Variants in NKAIN2 observed in about 807,000 individuals in gnomAD.
NKAIN2 encodes the protein sodium/potassium-transporting ATPase subunit beta-1-interacting protein 2.
A neutral mutation model predicts 32.6 loss-of-function variants in NKAIN2; 14 were observed. The observed-to-expected ratio is 0.43, with a 90% CI of 0.28 to 0.67. The LOEUF (loss-of-function observed/expected upper bound fraction) is 0.67, where lower values mean the gene tolerates loss of function less well. Ranked by LOEUF, NKAIN2 falls within the 30% of genes least tolerant of loss-of-function variation. The pLI, the probability that NKAIN2 is intolerant of heterozygous loss-of-function variation, is 0.17. For synonymous variants in NKAIN2, 80 were observed against 87.2 expected, an observed-to-expected ratio of 0.92 and a Z score of 0.46; for missense variants, 198 against 258.3, an observed-to-expected ratio of 0.77 and a Z score of 1.60.
At chr6:124,483,599 G>A (rs905537337) in intron 3 of NKAIN2, among the ~76,000 whole-genome samples, 4 of 151,720 alleles carry the variant, frequency 2.6e-5, no homozygotes, top group African/African-American at 9.7e-5. Context: ...AGAAGAATAA[G>A]GAAAACAGGT....
chr6:124,125,575 A>G (rs1394337006), intron 1 of NKAIN2, among the ~76,000 whole-genome samples: 1 of 152,196 alleles, frequency 6.6e-6, no homozygotes, highest in Non-Finnish European at 1.5e-5. Context: ...ATGAATAAAA[A>G]ACAGCATTCT....
At chr6:124,358,882 C>G (rs1799124924) in intron 3 of NKAIN2, among the ~76,000 whole-genome samples, 1 of 151,238 alleles carries the variant, frequency 6.6e-6, no homozygotes, top group Non-Finnish European at 1.5e-5. Context: ...CCTAGGTTTT[C>G]TTCTAGGGTT....
intron 1 of NKAIN2, among the ~76,000 whole-genome samples, chr6:123,967,767 A>G (rs1366750118): frequency 6.6e-6 from 1 of 152,134 alleles, no homozygotes; most frequent in Non-Finnish European, 1.5e-5. Context: ...TGGTTCTTAC[A>G]CTTTCTCCTT....
chr6:124,114,166 T>A (rs1439016969), intron 1 of NKAIN2, among the ~76,000 whole-genome samples: 1 of 152,166 alleles, frequency 6.6e-6, no homozygotes, highest in Admixed American at 6.5e-5. Context: ...GTTGTCAGCC[T>A]TTTTAATGTC....
intron 4 of NKAIN2, among the ~76,000 whole-genome samples, chr6:124,707,016 A>C (rs1283104423): frequency 9.3e-6 from 1 of 107,606 alleles, no homozygotes; most frequent in Non-Finnish European, 1.8e-5. Context: ...ACAGTCCCCA[A>C]AGTGTGATAC....
chr6:124,025,666 G>T (rs549494434), intron 1 of NKAIN2, among the ~76,000 whole-genome samples: 1 of 152,258 alleles, frequency 6.6e-6, no homozygotes, highest in South Asian at 2.1e-4. Context: ...CTTGAAATTT[G>T]CTAAGAGCAG....
rs538712275 is a variant in NKAIN2 at position 124,687,224 on chromosome 6, AATAT to A, written c.474+28844_474+28847del. Among the ~76,000 whole-genome samples, 211 of 146,008 alleles carry A rather than the reference AATAT, an allele frequency of 1.4e-3. 1 individual carries two copies. The highest frequency in any genetic ancestry group is 5.0e-3 in the African/African-American group (200 of 40,210). On this transcript the variant is annotated intron_variant, in intron 4 of 6. Coordinates refer to ENST00000368417, the MANE Select transcript of NKAIN2 (RefSeq NM_001040214.3). The stretch of plus-strand genomic sequence containing the variant: ...AATGTATATATGTGTATATATGTGG[AATAT>A]ATATAGAGAGAATATATATATTACC...
intron 3 of NKAIN2, among the ~76,000 whole-genome samples, chr6:124,476,640 A>G (rs1777228047): frequency 6.6e-6 from 1 of 152,096 alleles, no homozygotes; most frequent in African/African-American, 2.4e-5. Context: ...TGCTAAATGT[A>G]TTGTCATAAC....
At chr6:123,891,586 A>T (rs567005385) in intron 1 of NKAIN2, among the ~76,000 whole-genome samples, 1 of 152,152 alleles carries the variant, frequency 6.6e-6, no homozygotes, top group South Asian at 2.1e-4. Flanking sequence ...CTTATTCCCC[A>T]TAGGAAACAT....
intron 1 of NKAIN2, among the ~76,000 whole-genome samples, chr6:124,176,927 CT>C (rs1253134264): frequency 6.6e-6 from 1 of 151,936 alleles, no homozygotes; most frequent in East Asian, 1.9e-4. Context: ...CATCTTATGT[CT>C]TGCAAAAGTC....
intron 1 of NKAIN2, among the ~76,000 whole-genome samples, chr6:123,974,227 A>G (rs980888524): frequency 6.6e-6 from 1 of 152,178 alleles, no homozygotes; most frequent in Admixed American, 6.6e-5. Flanking sequence ...GTGTGCCATT[A>G]TACTTTCCAA....
chr6:124,595,992 G>A (rs1448375253), intron 3 of NKAIN2, among the ~76,000 whole-genome samples: 4 of 152,228 alleles, frequency 2.6e-5, no homozygotes, highest in East Asian at 3.9e-4. Context: ...CCACATTGCC[G>A]AAGAGCGACT....
intron 3 of NKAIN2, among the ~76,000 whole-genome samples, chr6:124,523,134 C>A (rs1255615397): frequency 5.7e-5 from 1 of 17,536 alleles, no homozygotes; most frequent in Non-Finnish European, 1.6e-3. Context: ...CAGAGCGAGA[C>A]TCCGTCTCAA....
intron 1 of NKAIN2, among the ~76,000 whole-genome samples, chr6:123,870,905 CT>C (rs1372054093): frequency 6.6e-6 from 1 of 151,980 alleles, no homozygotes; most frequent in East Asian, 1.9e-4. Context: ...ATATATATGT[CT>C]TTTTTTAATA....
At chr6:124,414,627 G>T (rs538482787) in intron 3 of NKAIN2, among the ~76,000 whole-genome samples, 5 of 152,154 alleles carry the variant, frequency 3.3e-5, no homozygotes, top group African/African-American at 1.2e-4. Flanking sequence ...AAGCCATTTG[G>T]ACTTGGAGTT....
intron 1 of NKAIN2, among the ~76,000 whole-genome samples, chr6:124,051,010 G>A (rs1481458708): frequency 6.6e-6 from 1 of 152,076 alleles, no homozygotes; most frequent in Non-Finnish European, 1.5e-5. Context: ...CACCTTTGAA[G>A]TAATCTTTTA....
At position 124,535,075 on chromosome 6, in the gene NKAIN2, G is replaced by A. The variant is rs575593937; in HGVS notation, c.274-123111G>A. Among the ~76,000 whole-genome samples the A allele has an allele frequency of 1.5e-3, 235 of 152,142 alleles. 1 individual carries two copies. The highest frequency in any genetic ancestry group is 5.0e-3 in the South Asian group (24 of 4,818). On this transcript the variant is annotated intron_variant, in intron 3 of 6. Transcript: ENST00000368417. ...ATACTATCTTCTTTATGGAATAATG[G>A]CAAGAAAAAGTCTGTGCGCATTCAA... is the stretch of plus-strand genomic sequence containing the variant.
Position 124,178,650 on chromosome 6 carries a change from T to C in NKAIN2, c.55-104355T>C, listed in dbSNP as rs556225519. 1.4e-4 allele frequency among the ~76,000 whole-genome samples: 21 copies of C among 152,308 alleles called. No homozygotes were observed. The South Asian group carries it at 4.4e-3, about 32-fold the overall frequency. ...AATCCTAATTAAGATATGCAGATAA[T>C]ATTAAATAGCCACATGTGATGCATG... On this transcript the variant is annotated intron_variant, in intron 1 of 6. Transcript: ENST00000368417.
intron 1 of NKAIN2, among the ~76,000 whole-genome samples, chr6:124,271,427 G>A (rs569416184): frequency 2.1e-3 from 325 of 152,196 alleles, no homozygotes; most frequent in South Asian, 0.01. Flanking sequence ...CATGTTAGCC[G>A]GGATGGTCTT....
Sources: allele counts gnomAD v4.1 joint callset (sites outside exome capture counted in the v4.1 genomes callset), GRCh38; gene constraint gnomAD v4.1.1; transcripts MANE v1.5; gene names NCBI Gene and HGNC (gene_info 2026-07-23, HGNC 2026-07-21).